Variants in AKAP6 observed in about 807,000 individuals in gnomAD.
AKAP6 encodes the protein A-kinase anchoring protein 6, also known as A-kinase anchor protein 6.
In AKAP6, 58 loss-of-function variants were observed where a neutral mutation model predicts 188.5. The ratio of observed to expected loss-of-function variants is 0.31; its 90% confidence interval spans 0.25 to 0.38. AKAP6 has a LOEUF of 0.38. Ranked by LOEUF, AKAP6 falls within the 10% of genes least tolerant of loss-of-function variation. The pLI is 1.00. For synonymous variants in AKAP6, 989 were observed against 998.6 expected (o/e 0.99, Z 0.18); for missense variants, 2,710 against 2,740.0 (o/e 0.99, Z 0.24).
intron 5 of AKAP6, among the ~76,000 whole-genome samples, chr14:32,585,492 A>ACG (rs4007573): frequency 0.21 from 31,282 of 150,616 alleles, 3,637 homozygotes; most frequent in East Asian, 0.52. Context: ...AACTATATAT[A>ACG]TGTGTGTGTG....
intron 8 of AKAP6, among the ~76,000 whole-genome samples, chr14:32,692,684 G>T (rs1890231610): frequency 6.6e-6 from 1 of 152,112 alleles, no homozygotes. Context: ...TCTTTATCTA[G>T]ATTCATTTAT....
intron 1 of AKAP6, among the ~76,000 whole-genome samples, chr14:32,385,936 A>T (rs1001567958): frequency 1.3e-5 from 2 of 148,774 alleles, no homozygotes; most frequent in African/African-American, 4.9e-5. Flanking sequence ...TTCATATATT[A>T]TATATTATAC....
At chr14:32,487,520 C>T (rs1879769508) in intron 2 of AKAP6, among the ~76,000 whole-genome samples, 1 of 152,224 alleles carries the variant, frequency 6.6e-6, no homozygotes. Context: ...TTGTCATTAC[C>T]CACCTTCTGA....
chr14:32,781,432 C>A (rs756782237), intron 12 of AKAP6, among the ~76,000 whole-genome samples: 3 of 151,706 alleles, frequency 2.0e-5, no homozygotes, highest in Non-Finnish European at 4.4e-5. Context: ...AGTTTAAAAC[C>A]TCCCCAGAAA....
At chr14:32,479,638 C>G (rs576367759) in intron 2 of AKAP6, among the ~76,000 whole-genome samples, 2 of 152,042 alleles carry the variant, frequency 1.3e-5, no homozygotes, top group Non-Finnish European at 2.9e-5. Context: ...ATGTTTGTGT[C>G]CCCCTACAAA....
Position 32,830,084 on chromosome 14 carries a change from C to G in AKAP6, c.*279C>G. ...TTCTCCCATGGATTCCTGTCCCAAG[C>G]TACCTCTACCAACCCTCTCTCTCCA... On this transcript the variant is annotated 3_prime_UTR_variant, in exon 14 of 14. Transcript: ENST00000280979. The G allele has an allele frequency of 3.0e-6, 2 of 656,546 alleles. No individual in the cohort carries two copies. The highest frequency in any genetic ancestry group is 4.3e-5 in the Admixed American group (2 of 46,474). The allele number at this position is 656,546 out of a possible 1,614,324, so 40.7% of individuals were successfully genotyped here. A position where few individuals can be genotyped will look rare whatever the true frequency, so the allele number is the denominator to read the frequency against.
At chr14:32,686,360 A>G (rs370350848) in intron 8 of AKAP6, among the ~76,000 whole-genome samples, 8 of 152,288 alleles carry the variant, frequency 5.3e-5, no homozygotes, top group South Asian at 2.1e-4. Context: ...CAGAGAATGA[A>G]TAAGACCTAG....
At chr14:32,502,800 A>T (rs1231553368) in intron 2 of AKAP6, among the ~76,000 whole-genome samples, 4 of 152,104 alleles carry the variant, frequency 2.6e-5, no homozygotes, top group Admixed American at 2.6e-4. Flanking sequence ...TCATTCTTAT[A>T]GTTGTGTAGT....
chr14:32,703,876 C>T (rs759448714), intron 9 of AKAP6, among the ~76,000 whole-genome samples: 1 of 152,084 alleles, frequency 6.6e-6, no homozygotes, highest in Non-Finnish European at 1.5e-5. Context: ...CATCTGAGGC[C>T]GTTGGTTATG....
chr14:32,490,645 C>G (rs562116919), intron 2 of AKAP6, among the ~76,000 whole-genome samples: 1 of 152,122 alleles, frequency 6.6e-6, no homozygotes. Flanking sequence ...TTTGTCCCTG[C>G]AGCACTGAAA....
At chr14:32,374,614 G>A (rs917357559) in intron 1 of AKAP6, among the ~76,000 whole-genome samples, 1 of 152,096 alleles carries the variant, frequency 6.6e-6, no homozygotes, top group African/African-American at 2.4e-5. Flanking sequence ...AGACAACCCG[G>A]AGCCTTCATA....
At position 32,568,846 on chromosome 14, in the gene AKAP6, T is replaced by C. The variant is rs1042578025; in HGVS notation, c.2347-8274T>C. On this transcript the variant is annotated intron_variant, in intron 4 of 13. Coordinates refer to ENST00000280979, the MANE Select transcript of AKAP6 (RefSeq NM_004274.5). This position sits in a 1 kb window ranked among gnomAD's most constrained non-coding sequence, Gnocchi z 6.2. ...AAGTGCTCAGTTAATGTTAACCTAT[T>C]GTTTGTTCCAGTTTATTCCCATTTT... Among the ~76,000 whole-genome samples, 2 of 152,214 alleles carry C rather than the reference T, an allele frequency of 1.3e-5. No individual in the cohort carries two copies. The highest frequency in any genetic ancestry group is 1.3e-4 in the Admixed American group (2 of 15,270).
chr14:32,504,857 C>G (rs995550396), intron 2 of AKAP6, among the ~76,000 whole-genome samples: 2 of 152,194 alleles, frequency 1.3e-5, no homozygotes, highest in African/African-American at 4.8e-5. Context: ...CAGCTCTGCT[C>G]CATGTCTTTG....
intron 2 of AKAP6, among the ~76,000 whole-genome samples, chr14:32,506,529 T>C (rs1031345653): frequency 5.9e-5 from 9 of 152,146 alleles, no homozygotes; most frequent in Non-Finnish European, 1.3e-4. Context: ...AGTTTCTACA[T>C]CACGACAGAA....
intron 2 of AKAP6, among the ~76,000 whole-genome samples, chr14:32,462,901 C>CAAAAAAAAAAAAAAAAA (rs71143943): frequency 4.5e-4 from 4 of 8,832 alleles, no homozygotes; most frequent in African/African-American, 8.9e-4. Context: ...AAATGGAAAG[C>CAAAAAAAAAAAAAAAAA]AAAAAAAAAA....
intron 7 of AKAP6, among the ~76,000 whole-genome samples, chr14:32,635,369 G>A (rs1317206336): frequency 1.3e-5 from 2 of 152,040 alleles, no homozygotes; most frequent in Admixed American, 6.6e-5. Context: ...GACAAAATAA[G>A]TAACTGGGGC....
chr14:32,469,335 T>C (rs1246464271), intron 2 of AKAP6, among the ~76,000 whole-genome samples: 2 of 152,142 alleles, frequency 1.3e-5, no homozygotes, highest in Admixed American at 6.6e-5. Context: ...CCCCAAGTAA[T>C]TTAAGAAGAA....
chr14:32,502,199 A>G (rs1364733814), intron 2 of AKAP6, among the ~76,000 whole-genome samples: 1 of 152,084 alleles, frequency 6.6e-6, no homozygotes, highest in Non-Finnish European at 1.5e-5. Flanking sequence ...AAGTGCTCTT[A>G]ATGGTGAAAT....
At chr14:32,599,927 G>A (rs1168615039) in intron 6 of AKAP6, among the ~76,000 whole-genome samples, 6 of 152,148 alleles carry the variant, frequency 3.9e-5, no homozygotes, top group African/African-American at 7.2e-5. Flanking sequence ...TTTCCCTGCC[G>A]CTTCACACAC....
Sources: allele counts gnomAD v4.1 joint callset (sites outside exome capture counted in the v4.1 genomes callset), GRCh38; gene constraint gnomAD v4.1.1; non-coding constraint Gnocchi (gnomAD v3.1); transcripts MANE v1.5; gene names NCBI Gene and HGNC (gene_info 2026-07-23, HGNC 2026-07-21).